XRCC4: variants seen among roughly 807,000 people sequenced by gnomAD.
XRCC4 encodes the protein X-ray repair cross complementing 4.
XRCC4 carries 28 observed loss-of-function variants against 39.1 expected under a neutral mutation model. That is an observed-to-expected ratio of 0.72 (90% CI 0.53 to 0.98). The LOEUF (loss-of-function observed/expected upper bound fraction) is 0.98, where lower values mean the gene tolerates loss of function less well. XRCC4 is among the 50% of genes least tolerant of loss of function. XRCC4 has a pLI of 0.00. For synonymous variants in XRCC4, 123 were observed against 126.4 expected, an observed-to-expected ratio of 0.97 and a Z score of 0.18; for missense variants, 350 against 376.4, an observed-to-expected ratio of 0.93 and a Z score of 0.58.
intron 3 of XRCC4, among the ~76,000 whole-genome samples, chr5:83,124,798 A>C (rs1747179430): frequency 6.6e-6 from 1 of 152,196 alleles, no homozygotes; most frequent in Non-Finnish European, 1.5e-5. Flanking sequence ...AATGACTCAA[A>C]TATTTACCTT....
intron 6 of XRCC4, among the ~76,000 whole-genome samples, chr5:83,229,037 T>G (rs1348980246): frequency 6.6e-6 from 1 of 152,026 alleles, no homozygotes; most frequent in Non-Finnish European, 1.5e-5. Flanking sequence ...ATTTGGAGAC[T>G]TGTTGAATGC....
At chr5:83,140,634 G>A (rs1302302232) in intron 3 of XRCC4, among the ~76,000 whole-genome samples, 2 of 152,148 alleles carry the variant, frequency 1.3e-5, no homozygotes, top group Non-Finnish European at 2.9e-5. Flanking sequence ...TTTAAGAATT[G>A]CTAATGAATA....
At chr5:83,171,636 A>G (rs886199219) in intron 3 of XRCC4, among the ~76,000 whole-genome samples, 1 of 152,010 alleles carries the variant, frequency 6.6e-6, no homozygotes. Flanking sequence ...CATCAACTTG[A>G]CTCATTTGCC....
downstream of XRCC4, among the ~76,000 whole-genome samples, chr5:83,356,087 G>GA (rs1030221290): frequency 2.2e-5 from 3 of 136,956 alleles, no homozygotes; most frequent in Non-Finnish European, 4.5e-5. Flanking sequence ...TATGCAAAAG[G>GA]AAAAAAACTT....
chr5:83,129,143 A>G (rs959446959), intron 3 of XRCC4, among the ~76,000 whole-genome samples: 4 of 150,630 alleles, frequency 2.7e-5, no homozygotes, highest in Non-Finnish European at 4.4e-5. Flanking sequence ...ATCTTGAATT[A>G]ATTTTTGTAT....
chr5:83,219,342 C>CA (rs1751994543), intron 6 of XRCC4, among the ~76,000 whole-genome samples: 1 of 151,962 alleles, frequency 6.6e-6, no homozygotes, highest in Admixed American at 6.6e-5. Context: ...ATAACAATGC[C>CA]AATAGGTCTA....
chr5:83,350,979 G>A (rs911493279), intron 7 of XRCC4, among the ~76,000 whole-genome samples: 1 of 152,104 alleles, frequency 6.6e-6, no homozygotes, highest in Non-Finnish European at 1.5e-5. Flanking sequence ...TTGGATTGGT[G>A]TCCCCACCCA....
At chr5:83,364,803 C>T in the XRCC4 span, among the ~76,000 whole-genome samples, 1 of 152,204 alleles carries the variant, frequency 6.6e-6, no homozygotes, top group Non-Finnish European at 1.5e-5. Context: ...TGTCCCAAAG[C>T]AGGACGCTGA....
intron 3 of XRCC4, among the ~76,000 whole-genome samples, chr5:83,129,032 A>C: frequency 6.6e-6 from 1 of 152,108 alleles, no homozygotes; most frequent in Admixed American, 6.6e-5. Context: ...TTAGTGTTTT[A>C]GTCATGAAGT....
chr5:83,240,205 A>G (rs560578249), intron 6 of XRCC4, among the ~76,000 whole-genome samples: 21 of 152,272 alleles, frequency 1.4e-4, no homozygotes, highest in Non-Finnish European at 2.2e-4. Context: ...ATGTAAAAAT[A>G]TAGGACATAT....
intron 6 of XRCC4, among the ~76,000 whole-genome samples, chr5:83,208,276 G>A (rs886937431): frequency 6.6e-6 from 1 of 151,812 alleles, no homozygotes; most frequent in Non-Finnish European, 1.5e-5. Context: ...TTTGTAAATG[G>A]GAATGAAATT....
chr5:83,292,628 A>G (rs1754956524), intron 7 of XRCC4, among the ~76,000 whole-genome samples: 1 of 152,016 alleles, frequency 6.6e-6, no homozygotes, highest in African/African-American at 2.4e-5. Flanking sequence ...AAATTAATGA[A>G]TAGTTCTGCA....
intron 6 of XRCC4, among the ~76,000 whole-genome samples, chr5:83,230,703 G>A (rs1752464578): frequency 6.6e-6 from 1 of 151,754 alleles, no homozygotes; most frequent in East Asian, 1.9e-4. Context: ...TAGGTCCCTT[G>A]GCAACTCAGA....
At chr5:83,134,206 C>T (rs977736522) in intron 3 of XRCC4, among the ~76,000 whole-genome samples, 5 of 152,142 alleles carry the variant, frequency 3.3e-5, no homozygotes, top group Non-Finnish European at 5.9e-5. Flanking sequence ...TCTGGGCTGC[C>T]GGAGTGTCCG....
Position 83,084,976 on chromosome 5 carries a change from T to C in XRCC4, c.-11+7361T>C, listed in dbSNP as rs116161805. Among the ~76,000 whole-genome samples, 1,026 of 152,302 alleles carry C rather than the reference T, an allele frequency of 6.7e-3. 13 individuals are homozygous for C. Among genetic ancestry groups the C allele is most frequent in the African/African-American group, 0.024 (981 of 41,566 alleles). On this transcript the variant is annotated intron_variant, in intron 1 of 7. Coordinates refer to ENST00000396027, the MANE Select transcript of XRCC4 (RefSeq NM_003401.5). ...TAGTAATGTCGTTGCAAATGATAAT[T>C]AGGCTTGAGATTAAGTAATCAAAAA...
At chr5:83,084,439 TG>T (rs1232116767) in intron 1 of XRCC4, among the ~76,000 whole-genome samples, 1 of 152,196 alleles carries the variant, frequency 6.6e-6, no homozygotes, top group Non-Finnish European at 1.5e-5. Context: ...TAGGCACTTT[TG>T]GGGAGGAAAA....
chr5:83,369,180 G>A, the XRCC4 span, among the ~76,000 whole-genome samples: 3 of 152,082 alleles, frequency 2.0e-5, no homozygotes, highest in Non-Finnish European at 2.9e-5. Context: ...CAAGAAACGG[G>A]ACCTTCACTG....
chr5:83,285,361 T>C (rs1319613059), intron 7 of XRCC4, among the ~76,000 whole-genome samples: 1 of 152,106 alleles, frequency 6.6e-6, no homozygotes, highest in East Asian at 1.9e-4. Context: ...CTAAATATAT[T>C]TCTGTATGGC....
In XRCC4 at chr5:83,111,244, G is replaced by A. The variant is rs55863017; in HGVS notation, c.315+41G>A. On this transcript the variant is annotated intron_variant, in intron 3 of 7. Transcript: ENST00000396027. The stretch of plus-strand genomic sequence containing the variant: ...CAAAATGTTACATAGTAAAATGTCA[G>A]AGCATTTATTGAGGAATTATATTTA... The A allele has an allele frequency of 3.1e-3, 4,501 of 1,471,816 alleles. 90 individuals carry two copies. The African/African-American group carries it at 0.052, about 17-fold the overall frequency. 91.2% of individuals were successfully genotyped at this position (1,471,816 alleles called of 1,614,324 possible). A position where few individuals can be genotyped will look rare whatever the true frequency, so the allele number is the denominator to read the frequency against.
Sources: allele counts gnomAD v4.1 joint callset (sites outside exome capture counted in the v4.1 genomes callset), GRCh38; gene constraint gnomAD v4.1.1; transcripts MANE v1.5; gene names NCBI Gene and HGNC (gene_info 2026-07-23, HGNC 2026-07-21).